SLC39A11: variants seen among roughly 807,000 people sequenced by gnomAD.
The protein encoded by SLC39A11 is solute carrier family 39 member 11, also known as zinc transporter ZIP11.
Under a neutral mutation model 36.1 loss-of-function variants are expected in SLC39A11, and 33 were observed. That is an observed-to-expected ratio of 0.91 (90% CI 0.69 to 1.22). The LOEUF (loss-of-function observed/expected upper bound fraction) is 1.22. SLC39A11 is among the 50% of genes most tolerant of loss of function. SLC39A11 has a pLI of 0.00. For synonymous variants in SLC39A11, 166 were observed against 170.3 expected (o/e 0.97, Z 0.20); for missense variants, 432 against 430.3 (o/e 1.00, Z -0.03).
intron 4 of SLC39A11, among the ~76,000 whole-genome samples, chr17:73,004,356 G>A (rs1015968774): frequency 1.3e-5 from 2 of 152,162 alleles, no homozygotes; most frequent in South Asian, 4.1e-4. Flanking sequence ...TTCTGACATG[G>A]CCTTGCTCCT....
At chr17:73,032,489 G>A (rs1175794302) in intron 3 of SLC39A11, among the ~76,000 whole-genome samples, 1 of 152,158 alleles carries the variant, frequency 6.6e-6, no homozygotes, top group Non-Finnish European at 1.5e-5. Flanking sequence ...TTAAAGGTGT[G>A]AGCCACCATG....
chr17:72,750,866 C>T (rs984302856), intron 6 of SLC39A11, among the ~76,000 whole-genome samples: 4 of 152,148 alleles, frequency 2.6e-5, no homozygotes, highest in Non-Finnish European at 4.4e-5. Flanking sequence ...AGCCTGTCAG[C>T]GCCCTGGGAT....
At chr17:72,871,245 T>A (rs1252124277) in intron 5 of SLC39A11, among the ~76,000 whole-genome samples, 1 of 151,962 alleles carries the variant, frequency 6.6e-6, no homozygotes. Flanking sequence ...TGTATCTTAG[T>A]AGAGACAGGG....
Position 73,076,780 on chromosome 17 carries a change from G to A in SLC39A11, c.147+8028C>T, listed in dbSNP as rs1230081217. On this transcript the variant is annotated intron_variant, in intron 3 of 9. Coordinates refer to ENST00000255559, the MANE Select transcript of SLC39A11 (RefSeq NM_139177.4). ...TGACCTAGGAGAAGTAAGGGGAAGAGGCAAGGGGACTTTCTTTTTTTCTTT... is the reference window on the plus strand; with the variant it reads ...TGACCTAGGAGAAGTAAGGGGAAGAAGCAAGGGGACTTTCTTTTTTTCTTT... 2.6e-5 allele frequency among the ~76,000 whole-genome samples: 4 copies of A among 151,646 alleles called. No individual in the cohort carries two copies. The East Asian group carries it at 5.8e-4, about 22-fold the overall frequency.
At chr17:72,848,847 T>C (rs1305697342) in intron 6 of SLC39A11, among the ~76,000 whole-genome samples, 1 of 152,164 alleles carries the variant, frequency 6.6e-6, no homozygotes, top group Non-Finnish European at 1.5e-5. Context: ...CAAATTATAC[T>C]GAACTCAATA....
At chr17:72,676,125 CT>C (rs1172491283) in intron 7 of SLC39A11, among the ~76,000 whole-genome samples, 1 of 151,774 alleles carries the variant, frequency 6.6e-6, no homozygotes, top group Non-Finnish European at 1.5e-5. Context: ...AAGCAACTCT[CT>C]TTTTTTCAAA....
intron 7 of SLC39A11, among the ~76,000 whole-genome samples, chr17:72,690,659 C>T (rs1316437163): frequency 1.3e-5 from 2 of 152,186 alleles, no homozygotes; most frequent in Non-Finnish European, 2.9e-5. Context: ...TGTTATAATG[C>T]CCTTTTGGTT....
intron 7 of SLC39A11, among the ~76,000 whole-genome samples, chr17:72,716,842 G>T (rs1306199582): frequency 6.6e-6 from 1 of 151,646 alleles, no homozygotes; most frequent in Non-Finnish European, 1.5e-5. Flanking sequence ...GGTGGCAGGT[G>T]CCTGTAATCC....
intron 5 of SLC39A11, among the ~76,000 whole-genome samples, chr17:72,898,366 A>G (rs1261603498): frequency 6.6e-6 from 1 of 152,154 alleles, no homozygotes; most frequent in Non-Finnish European, 1.5e-5. Flanking sequence ...ACTCAGCTAT[A>G]CCGCTGCTAC....
intron 5 of SLC39A11, 50 bp from the exon 6 acceptor site, chr17:72,849,854 C>T (rs377648414): frequency 7.7e-5 from 113 of 1,466,650 alleles, no homozygotes; most frequent in Non-Finnish European, 9.6e-5. Context: ...GCGCTTTGAA[C>T]ATGTGCACGT....
intron 6 of SLC39A11, among the ~76,000 whole-genome samples, chr17:72,822,704 C>T (rs1228906605): frequency 1.3e-5 from 2 of 150,906 alleles, no homozygotes; most frequent in Admixed American, 6.6e-5. Flanking sequence ...ACACTTCCAA[C>T]CCTAAACTTT....
intron 6 of SLC39A11, chr17:72,837,688 G>A (rs1230718385): frequency 5.3e-6 from 1 of 187,638 alleles, no homozygotes; most frequent in African/African-American, 2.3e-5. Context: ...TGTATCCATA[G>A]AATAGAGTAT....
At chr17:72,822,381 C>T (rs1009181686) in intron 6 of SLC39A11, among the ~76,000 whole-genome samples, 1 of 149,356 alleles carries the variant, frequency 6.7e-6, no homozygotes, top group Non-Finnish European at 1.5e-5. Context: ...AGAGATCTAT[C>T]TAAATGCAAT....
At chr17:72,729,433 ATATATATATATATATATATATATATTT>A (rs1442342949) in intron 7 of SLC39A11, among the ~76,000 whole-genome samples, 68 of 2,396 alleles carry the variant, frequency 0.028, 8 homozygotes, top group African/African-American at 0.1. Context: ...ATATATATAT[ATATATATATATATATATATATATATTT>A]TTTTTTTTTT....
Position 72,817,071 on chromosome 17 carries a change from G to A in SLC39A11, c.601+32563C>T, listed in dbSNP as rs185645616. 3.8e-3 allele frequency among the ~76,000 whole-genome samples: 567 copies of A among 149,776 alleles called. 3 individuals carry two copies. The highest frequency in any genetic ancestry group is 5.3e-3 in the Non-Finnish European group (361 of 67,566). On this transcript the variant is annotated intron_variant, in intron 6 of 9. Coordinates refer to ENST00000255559, the MANE Select transcript of SLC39A11 (RefSeq NM_139177.4). ...AGAAAGTGTTAAATAAGAACAGGTT[G>A]TGTCTCAGTCCATTTGTGTTGATAT... is the stretch of plus-strand genomic sequence containing the variant.
chr17:72,958,413 A>T (rs1296716547), intron 4 of SLC39A11, among the ~76,000 whole-genome samples: 1 of 152,272 alleles, frequency 6.6e-6, no homozygotes, highest in Non-Finnish European at 1.5e-5. Context: ...GAGTAAAGAG[A>T]CAACCCACAA....
intron 7 of SLC39A11, among the ~76,000 whole-genome samples, chr17:72,729,422 TATATATATATATATATATATATA>T (rs2074079121): frequency 7.7e-3 from 20 of 2,604 alleles, no homozygotes; most frequent in Non-Finnish European, 0.013. Context: ...TATATATATA[TATATATATATATATATATATATA>T]TATATATATA....
chr17:72,963,210 C>G (rs113259851), intron 4 of SLC39A11, among the ~76,000 whole-genome samples: 3 of 139,472 alleles, frequency 2.2e-5, no homozygotes, highest in Non-Finnish European at 3.0e-5. Context: ...TCACTCTGTC[C>G]CCCAGGCTGG....
chr17:72,665,785 TTTTC>T (rs1056414516), intron 7 of SLC39A11, among the ~76,000 whole-genome samples: 27 of 152,210 alleles, frequency 1.8e-4, no homozygotes, highest in South Asian at 1.7e-3. Context: ...TTCTCTTTCT[TTTTC>T]TTTCTTTCTC....
Sources: gnomAD v4.1 joint callset for allele counts (sites outside exome capture counted in the v4.1 genomes callset) on GRCh38, gnomAD v4.1.1 for gene constraint, MANE v1.5 for transcripts, NCBI Gene and HGNC (gene_info 2026-07-23, HGNC 2026-07-21) for gene names.